FBXL17: variants seen among roughly 807,000 people sequenced by gnomAD.
The protein encoded by FBXL17 is F-box and leucine rich repeat protein 17, also known as F-box/LRR-repeat protein 17.
FBXL17 carries 22 observed loss-of-function variants against 66.2 expected under a neutral mutation model. The ratio of observed to expected loss-of-function variants is 0.33; its 90% CI spans 0.24 to 0.47. The LOEUF is 0.47. Among genes scored for constraint, FBXL17 ranks in the 20% least tolerant of loss-of-function variants. The pLI is 1.00. For missense variants in FBXL17, 878 were observed against 948.2 expected (o/e 0.93, Z 0.97); for synonymous variants, 474 against 400.5 (o/e 1.18, Z -2.19).
intron 4 of FBXL17, among the ~76,000 whole-genome samples, chr5:108,341,115 T>C (rs182761167): frequency 3.9e-5 from 6 of 152,210 alleles, no homozygotes; most frequent in South Asian, 4.1e-4. Context: ...TGTCCTTCAA[T>C]AGGAAATGAA....
intron 6 of FBXL17, among the ~76,000 whole-genome samples, chr5:108,068,935 G>T (rs1344049131): frequency 6.6e-6 from 1 of 152,192 alleles, no homozygotes; most frequent in Admixed American, 6.5e-5. Context: ...AGCTAATGGG[G>T]TGATTAGAAT....
chr5:108,381,758 A>C lies in FBXL17; in HGVS notation c.-67T>G. ...AGACCCAGAGAGGCGGGCTCCCGGC[A>C]GCGGGGCAGGCCGCTCGCTGGCTCG... On this transcript the variant is annotated 5_prime_UTR_variant, in exon 1 of 9. Coordinates refer to ENST00000542267, the MANE Select transcript of FBXL17 (RefSeq NM_001163315.3). 1 of 1,377,404 alleles carries C rather than the reference A, an allele frequency of 7.3e-7. No homozygotes were observed. The highest frequency in any genetic ancestry group is 1.6e-5 in the South Asian group (1 of 62,040). The allele number at this position is 1,377,404 out of a possible 1,614,324, so 85.3% of individuals were successfully genotyped here. A position where few individuals can be genotyped will look rare whatever the true frequency, so the allele number is the denominator to read the frequency against.
chr5:108,150,745 CCACAGGAT>C (rs1470515904), intron 6 of FBXL17, among the ~76,000 whole-genome samples: 4 of 152,084 alleles, frequency 2.6e-5, no homozygotes, highest in Non-Finnish European at 5.9e-5. Flanking sequence ...GCTGTACTTC[CCACAGGAT>C]CACAGGATCA....
intron 7 of FBXL17, among the ~76,000 whole-genome samples, chr5:107,922,788 A>C (rs1000260204): frequency 1.3e-5 from 2 of 152,226 alleles, no homozygotes; most frequent in South Asian, 2.1e-4. Context: ...TCAATTACCC[A>C]AAAGGCACAG....
chr5:108,055,608 C>CAA (rs55653715), intron 6 of FBXL17, among the ~76,000 whole-genome samples: 7,322 of 46,874 alleles, frequency 0.16, 727 homozygotes, highest in South Asian at 0.28. Context: ...GACTCTGTCT[C>CAA]AAAAAAAAAA....
chr5:108,141,445 G>C (rs539315308), intron 6 of FBXL17, among the ~76,000 whole-genome samples: 42 of 152,268 alleles, frequency 2.8e-4, no homozygotes, highest in Non-Finnish European at 4.7e-4. Flanking sequence ...TCTCTGAGCA[G>C]GGCAGAGGCC....
At chr5:107,999,774 A>T (rs1193628714) in intron 7 of FBXL17, among the ~76,000 whole-genome samples, 1 of 152,186 alleles carries the variant, frequency 6.6e-6, no homozygotes, top group Non-Finnish European at 1.5e-5. Flanking sequence ...ATGAATACTC[A>T]ATAAACACTT....
At chr5:108,227,694 T>C (rs1755157130) in intron 4 of FBXL17, among the ~76,000 whole-genome samples, 1 of 152,218 alleles carries the variant, frequency 6.6e-6, no homozygotes, top group Non-Finnish European at 1.5e-5. Flanking sequence ...ACCAACAGCA[T>C]CTATGGTACA....
intron 8 of FBXL17, among the ~76,000 whole-genome samples, chr5:107,866,013 T>C (rs1748260808): frequency 6.6e-6 from 1 of 152,170 alleles, no homozygotes; most frequent in Non-Finnish European, 1.5e-5. Context: ...CTCCACTTGC[T>C]AGAATGAAAA....
At chr5:108,310,834 A>C (rs986915393) in intron 4 of FBXL17, among the ~76,000 whole-genome samples, 2 of 152,150 alleles carry the variant, frequency 1.3e-5, no homozygotes, top group Admixed American at 1.3e-4. Context: ...CCTTCTTTAC[A>C]CATGTCCTAC....
At chr5:108,318,436 T>C (rs1350816336) in intron 4 of FBXL17, among the ~76,000 whole-genome samples, 1 of 151,786 alleles carries the variant, frequency 6.6e-6, no homozygotes, top group Non-Finnish European at 1.5e-5. Context: ...AATAATCCAA[T>C]ACTGTTAAAA....
intron 4 of FBXL17, among the ~76,000 whole-genome samples, chr5:108,288,103 C>A (rs1757970103): frequency 6.6e-6 from 1 of 151,734 alleles, no homozygotes; most frequent in African/African-American, 2.4e-5. Context: ...GACACCAGGG[C>A]CTACTTGAGG....
chr5:107,951,458 T>G (rs1374139968), intron 7 of FBXL17, among the ~76,000 whole-genome samples: 2 of 152,208 alleles, frequency 1.3e-5, no homozygotes, highest in African/African-American at 4.8e-5. Flanking sequence ...TGGCACTTGA[T>G]AACTGGGGGA....
At chr5:108,310,590 T>C (rs886251586) in intron 4 of FBXL17, among the ~76,000 whole-genome samples, 1 of 152,154 alleles carries the variant, frequency 6.6e-6, no homozygotes, top group African/African-American at 2.4e-5. Flanking sequence ...ATTACTTATA[T>C]AACAATTATT....
chr5:108,204,536 T>C (rs1197575225), intron 5 of FBXL17, among the ~76,000 whole-genome samples: 2 of 152,168 alleles, frequency 1.3e-5, no homozygotes, highest in Non-Finnish European at 2.9e-5. Flanking sequence ...ACTGATTTGA[T>C]ATAAATAAAC....
chr5:108,165,433 A>G lies in FBXL17; in HGVS notation c.1745+20684T>C, dbSNP rs1752380789. On this transcript the variant is annotated intron_variant, in intron 6 of 8. Transcript: ENST00000542267. ...ATCTACTGTGTGTATGCTATTTTCC[A>G]TTCAAAGGACCATAAAAGAAATACA... is the stretch of plus-strand genomic sequence containing the variant. Among the ~76,000 whole-genome samples the G allele has an allele frequency of 2.0e-5, 3 of 152,212 alleles. No homozygotes were observed. In the South Asian group the frequency reaches 6.2e-4, roughly 32 times the overall value.
Position 108,154,606 on chromosome 5 carries a change from A to AAAAT in FBXL17, c.1745+31510_1745+31511insATTT, listed in dbSNP as rs1412644290. The stretch of plus-strand genomic sequence containing the variant: ...ACTCAGTTTCAAAAAAAAAAAAAAA[A>AAAAT]ATATATATATACACACACACACACA... On this transcript the variant is annotated intron_variant, in intron 6 of 8. Transcript: ENST00000542267. Among the ~76,000 whole-genome samples, 24 of 96,722 alleles carry AAAAT rather than the reference A, an allele frequency of 2.5e-4. 1 individual carries two copies. Among genetic ancestry groups the AAAAT allele is most frequent in the East Asian group, 7.1e-4 (2 of 2,802 alleles). 63.5% of individuals were successfully genotyped at this position (96,722 alleles called of 152,430 possible).
At chr5:108,025,928 T>G (rs767744806) in intron 6 of FBXL17, among the ~76,000 whole-genome samples, 1 of 151,848 alleles carries the variant, frequency 6.6e-6, no homozygotes, top group Non-Finnish European at 1.5e-5. Flanking sequence ...AGAATAATGA[T>G]ATCTGATTGA....
intron 8 of FBXL17, among the ~76,000 whole-genome samples, chr5:107,866,119 G>T (rs1748264178): frequency 6.6e-6 from 1 of 151,332 alleles, no homozygotes; most frequent in Non-Finnish European, 1.5e-5. Context: ...ATGATCCCTG[G>T]TTTTCTGTAT....
Sources: allele counts gnomAD v4.1 joint callset (sites outside exome capture counted in the v4.1 genomes callset), GRCh38; gene constraint gnomAD v4.1.1; transcripts MANE v1.5; gene names NCBI Gene and HGNC (gene_info 2026-07-23, HGNC 2026-07-21).